The following RLF variants were observed in gnomAD, a reference collection of about 807,000 sequenced individuals.
RLF encodes the protein zinc finger protein Rlf.
In RLF, 7 loss-of-function variants were observed where a neutral mutation model predicts 162.9. The ratio of observed to expected loss-of-function variants is 0.04; its 90% confidence interval spans 0.02 to 0.08. The LOEUF is 0.08. Among genes scored for constraint, RLF ranks in the 10% least tolerant of loss-of-function variants. RLF has a pLI of 1.00. For synonymous variants in RLF, 782 were observed against 791.5 expected, an observed-to-expected ratio of 0.99 and a Z score of 0.20; for missense variants, 1,664 against 2,244.7, an observed-to-expected ratio of 0.74 and a Z score of 5.23.
At position 40,236,265 on chromosome 1, in the gene RLF, A is replaced by G; in HGVS notation, c.1563A>G (p.Lys521=). The change falls in exon 8 of 8, where the codon AAA becomes AAG. Residue 521 remains lysine (K), a synonymous_variant. Coordinates refer to ENST00000372771, the MANE Select transcript of RLF (RefSeq NM_012421.4). This position sits in a 1 kb window ranked among gnomAD's most constrained non-coding sequence, Gnocchi z 7.7. ...ACTATGATGAGGGTAAAGAAGATAAACAATATAGAAGAAGAGATTTGACAG... is the reference window on the plus strand; with the variant it reads ...ACTATGATGAGGGTAAAGAAGATAAGCAATATAGAAGAAGAGATTTGACAG... ...LSDYDEGKED[K]QYRRRDLTDQ... The G allele has an allele frequency of 6.2e-7, 1 of 1,613,938 alleles. No individual in the cohort carries two copies.
chr1:40,215,578 G>A (rs764753378), intron 5 of RLF, among the ~76,000 whole-genome samples: 1 of 151,966 alleles, frequency 6.6e-6, no homozygotes, highest in Non-Finnish European at 1.5e-5. Flanking sequence ...AGTTTTTGTT[G>A]TATTTTGTTT....
intron 5 of RLF, among the ~76,000 whole-genome samples, chr1:40,203,771 A>G (rs1392596681): frequency 6.6e-6 from 1 of 151,968 alleles, no homozygotes; most frequent in Non-Finnish European, 1.5e-5. Context: ...TTTTTATTAG[A>G]TGTAGTAGTC....
At chr1:40,226,077 A>G (rs1226806250) in intron 6 of RLF, among the ~76,000 whole-genome samples, 7 of 152,102 alleles carry the variant, frequency 4.6e-5, no homozygotes, top group African/African-American at 7.2e-5. Context: ...ACAAAAAACT[A>G]TGTAACTGTC....
At position 40,238,850 on chromosome 1, in the gene RLF, G is replaced by A; in HGVS notation, c.4148G>A (p.Cys1383Tyr). The A allele has an allele frequency of 1.2e-6, 2 of 1,614,218 alleles. No homozygotes were observed. The highest frequency in any genetic ancestry group is 1.7e-6 in the Non-Finnish European group (2 of 1,180,016). Residue 1383 changes from cysteine (C) to tyrosine (Y), a missense_variant, in exon 8 of 8, where the codon TGT becomes TAT. Cys to Tyr is a radical substitution (Grantham distance 194). Transcript: ENST00000372771. The surrounding 1 kb of genome is among the most constrained non-coding windows in gnomAD (Gnocchi z 5.2). ...FLCSKALAKH[C>Y]SDSHNLDHIE... The stretch of plus-strand genomic sequence containing the variant: ...TGTTCCAAAGCTCTTGCTAAGCACT[G>A]TAGTGATTCTCATAACCTAGACCAT...
chr1:40,169,440 C>A (rs1316334965), intron 1 of RLF, among the ~76,000 whole-genome samples: 2 of 151,284 alleles, frequency 1.3e-5, no homozygotes, highest in African/African-American at 4.9e-5. Context: ...CAGGGTGAAA[C>A]CCCGTCTCTA....
intron 1 of RLF, among the ~76,000 whole-genome samples, chr1:40,173,072 G>C (rs929939590): frequency 3.6e-5 from 5 of 140,316 alleles, no homozygotes; most frequent in Non-Finnish European, 7.4e-5. Flanking sequence ...GTAACATTCA[G>C]GTTTTTTTTT....
chr1:40,223,097 T>C (rs1193745654), intron 6 of RLF, among the ~76,000 whole-genome samples: 2 of 152,232 alleles, frequency 1.3e-5, no homozygotes, highest in African/African-American at 4.8e-5. Flanking sequence ...TCTAGGTTTC[T>C]AGGTCAAACT....
At chr1:40,167,117 C>T (rs866492471) in intron 1 of RLF, among the ~76,000 whole-genome samples, 8 of 152,058 alleles carry the variant, frequency 5.3e-5, no homozygotes, top group Non-Finnish European at 7.4e-5. Flanking sequence ...TACATTTACA[C>T]GTGTGCAGTG....
chr1:40,238,451 A>G lies in RLF; in HGVS notation c.3749A>G (p.Glu1250Gly), dbSNP rs771961034. Residue 1250 changes from glutamate (E) to glycine (G), a missense_variant, in exon 8 of 8, where the codon GAA becomes GGA. Glu to Gly is a moderately conservative substitution (Grantham distance 98). Transcript: ENST00000372771. The surrounding 1 kb of genome is among the most constrained non-coding windows in gnomAD (Gnocchi z 5.2). ...CCACACTGTCATCCTAAAAAGGATGAATGTAGTTCTGAAACAGATTTGGAA... is the reference window on the plus strand; with the variant it reads ...CCACACTGTCATCCTAAAAAGGATGGATGTAGTTCTGAAACAGATTTGGAA... ...EKPHCHPKKD[E>G]CSSETDLESS... is the part of the protein sequence containing the mutation. The G allele has an allele frequency of 6.2e-7, 1 of 1,614,150 alleles. No homozygotes were observed. Among genetic ancestry groups the G allele is most frequent in the East Asian group, 2.2e-5 (1 of 44,868 alleles).
intron 5 of RLF, among the ~76,000 whole-genome samples, chr1:40,211,779 G>C (rs551726296): frequency 6.6e-6 from 1 of 150,566 alleles, no homozygotes; most frequent in African/African-American, 2.5e-5. Context: ...GTGCCACCAC[G>C]CCTGGCTAAT....
chr1:40,183,928 C>G (rs889415128), intron 1 of RLF, among the ~76,000 whole-genome samples: 4 of 152,066 alleles, frequency 2.6e-5, no homozygotes, highest in African/African-American at 9.7e-5. Flanking sequence ...GAAAGTTAAT[C>G]CTGAACTATG....
chr1:40,194,881 T>C (rs1344260888), intron 3 of RLF, among the ~76,000 whole-genome samples: 3 of 151,852 alleles, frequency 2.0e-5, no homozygotes, highest in African/African-American at 7.2e-5. Flanking sequence ...TCACCCAGGC[T>C]GGAGCGCAGT....
chr1:40,229,686 C>T (rs1279624506), intron 6 of RLF, among the ~76,000 whole-genome samples: 2 of 151,782 alleles, frequency 1.3e-5, no homozygotes, highest in Non-Finnish European at 2.9e-5. Context: ...AACTCCTGAC[C>T]TTGTGATCCA....
At chr1:40,199,596 A>T (rs1347500967) in intron 4 of RLF, among the ~76,000 whole-genome samples, 1 of 152,224 alleles carries the variant, frequency 6.6e-6, no homozygotes, top group Non-Finnish European at 1.5e-5. Context: ...TGTACACTAT[A>T]ATCCCTTATC....
intron 6 of RLF, among the ~76,000 whole-genome samples, chr1:40,230,310 T>C (rs1177561048): frequency 6.6e-6 from 1 of 152,222 alleles, no homozygotes; most frequent in African/African-American, 2.4e-5. Context: ...TGTTTTTAAA[T>C]TGGCTTATGA....
chr1:40,231,354 T>C (rs776986587), intron 6 of RLF, 163 bp from the exon 7 acceptor site: 1 of 548,154 alleles, frequency 1.8e-6, no homozygotes, highest in Non-Finnish European at 3.2e-6. Context: ...CTTAACAATT[T>C]TATCAGTTTG....
In RLF at chr1:40,172,517, G is replaced by T. The variant is rs147540657; in HGVS notation, c.237+10881G>T. ...TTATAGGATTAGGCCGGGTGCGGCG[G>T]CTCACACCTGTAATCCCAGCACTTT... On this transcript the variant is annotated intron_variant, in intron 1 of 7. Transcript: ENST00000372771. 2.0e-3 allele frequency among the ~76,000 whole-genome samples: 310 copies of T among 152,278 alleles called. 1 individual carries two copies. Among genetic ancestry groups the T allele is most frequent in the African/African-American group, 7.3e-3 (303 of 41,536 alleles).
At chr1:40,177,015 T>C (rs1194992022) in intron 1 of RLF, among the ~76,000 whole-genome samples, 1 of 151,548 alleles carries the variant, frequency 6.6e-6, no homozygotes, top group African/African-American at 2.4e-5. Flanking sequence ...TGAGACCGAG[T>C]CTCACTTTGT....
At chr1:40,201,424 G>C (rs186980455) in intron 4 of RLF, among the ~76,000 whole-genome samples, 3 of 151,896 alleles carry the variant, frequency 2.0e-5, no homozygotes, top group African/African-American at 7.2e-5. Flanking sequence ...AGGAGATCGA[G>C]ACCATCCTGG....
Sources: allele counts gnomAD v4.1 joint callset (sites outside exome capture counted in the v4.1 genomes callset), GRCh38; gene constraint gnomAD v4.1.1; non-coding constraint Gnocchi (gnomAD v3.1); transcripts MANE v1.5; gene names NCBI Gene and HGNC (gene_info 2026-07-23, HGNC 2026-07-21).